The following ZNF426 variants were observed in gnomAD, a reference collection of about 807,000 sequenced individuals.
The protein encoded by ZNF426 is zinc finger protein 426, also known as CTC-543D15.7.
Under a neutral mutation model 24.0 loss-of-function variants are expected in ZNF426, and 23 were observed. That is an observed-to-expected ratio of 0.96 (90% confidence interval 0.69 to 1.36). The LOEUF (loss-of-function observed/expected upper bound fraction) is 1.36, where lower values mean the gene tolerates loss of function less well. Ranked by LOEUF, ZNF426 falls within the 40% of genes most tolerant of loss-of-function variation. The probability of loss-of-function intolerance (pLI) is 0.00; values close to 1 mark genes in which losing one functional copy is unlikely to be tolerated. For synonymous variants in ZNF426, 272 were observed against 224.6 expected (o/e 1.21, Z -1.89); for missense variants, 646 against 658.4 (o/e 0.98, Z 0.21).
intron 5 of ZNF426, among the ~76,000 whole-genome samples, chr19:9,533,212 G>A (rs1017241234): frequency 5.9e-5 from 9 of 151,966 alleles, no homozygotes; most frequent in Non-Finnish European, 1.0e-4. Context: ...TTGGGAGGCT[G>A]AGGCAGGTGG....
rs369529358 is a variant in ZNF426 at position 9,534,783 on chromosome 19, C to T, written c.117+405G>A. ...CTAATTTTTAAATTTTTTGTAGAGACGGGGTCTCACTATGTTGCTCAGGCT... is the reference window on the plus strand; with the variant it reads ...CTAATTTTTAAATTTTTTGTAGAGATGGGGTCTCACTATGTTGCTCAGGCT... On this transcript the variant is annotated intron_variant, in intron 4 of 7. Coordinates refer to ENST00000253115, the MANE Select transcript of ZNF426 (RefSeq NM_024106.3). Among the ~76,000 whole-genome samples, 235 of 151,912 alleles carry T rather than the reference C, an allele frequency of 1.5e-3. 3 individuals carry two copies. Among genetic ancestry groups the T allele is most frequent in the South Asian group, 0.015 (71 of 4,798 alleles).
Position 9,530,267 on chromosome 19 carries a change from A to T in ZNF426, c.409-631T>A, listed in dbSNP as rs140679530. ...CAGGAATTAGAGACCAGCCTGGGCA[A>T]CATGGCAAAACTCCATCTCTATAAA... is the stretch of plus-strand genomic sequence containing the variant. On this transcript the variant is annotated intron_variant, in intron 7 of 7. Coordinates refer to ENST00000253115, the MANE Select transcript of ZNF426 (RefSeq NM_024106.3). 7.2e-4 allele frequency among the ~76,000 whole-genome samples: 109 copies of T among 152,178 alleles called. 1 individual carries two copies. Among genetic ancestry groups the T allele is most frequent in the Middle Eastern group, 3.4e-3 (1 of 292 alleles).
chr19:9,529,576 C>T lies in ZNF426; in HGVS notation c.469G>A (p.Glu157Lys). 1 of 1,608,182 alleles carries T rather than the reference C, an allele frequency of 6.2e-7. No homozygotes were observed. ...DCEQCGEVFS[E>K]HSCLKTHVRT... ...ACGTGCGTCTTAAGGCATGAGTGTT[C>T]ACTGAAGACTTCTCCACATTGCTCA... The change falls in exon 8 of 8, where the codon GAA (glutamate) becomes AAA (lysine). Residue 157 changes from glutamate (E) to lysine (K), a missense_variant. Glu to Lys is a moderately conservative substitution (Grantham distance 56, BLOSUM62 1). Coordinates refer to ENST00000253115, the MANE Select transcript of ZNF426 (RefSeq NM_024106.3).
Position 9,535,278 on chromosome 19 carries a change from T to C in ZNF426, c.27A>G (p.Gly9=), listed in dbSNP as rs1288842802. MAAADLSH[G]HYLSGDPVCL... ...AAACTGGGTCCCCAGAAAGATAATGTCCTGTAAGAAAATGAAGGCAAGAGA... is the reference window on the plus strand; with the variant it reads ...AAACTGGGTCCCCAGAAAGATAATGCCCTGTAAGAAAATGAAGGCAAGAGA... Residue 9 remains glycine (G), a splice_region_variant and synonymous_variant, in exon 4 of 8, where the codon GGA becomes GGG. Coordinates refer to ENST00000253115, the MANE Select transcript of ZNF426 (RefSeq NM_024106.3). 3.1e-6 allele frequency: 5 copies of C among 1,612,200 alleles called. No individual in the cohort carries two copies. The highest frequency in any genetic ancestry group is 4.2e-6 in the Non-Finnish European group (5 of 1,178,738).
rs2073793320 is a variant in ZNF426, at chr19:9,526,513, A to C, written c.*1867T>G. The C allele has an allele frequency of 6.6e-6, 1 of 152,174 alleles. No individual in the cohort carries two copies. Among genetic ancestry groups the C allele is most frequent in the African/African-American group, 2.4e-5 (1 of 41,442 alleles). 9.4% of individuals were successfully genotyped at this position (152,174 alleles called of 1,614,324 possible). A position where few individuals can be genotyped will look rare whatever the true frequency, so the allele number is the denominator to read the frequency against. On this transcript the variant is annotated 3_prime_UTR_variant, in exon 8 of 8. Transcript: ENST00000253115. ...TCTTTGGTAGGCTTATTATTGGCCA[A>C]GAAACAGCCAACTAAAGAGCTTGAG...
In ZNF426 at chr19:9,528,407, T is replaced by C. The variant is rs2073823280; in HGVS notation, c.1638A>G (p.Ser546=). 1 of 1,586,246 alleles carries C rather than the reference T, an allele frequency of 6.3e-7. No homozygotes were observed. The highest frequency in any genetic ancestry group is 8.6e-7 in the Non-Finnish European group (1 of 1,168,468). ...AGTGAATTTGTTCATGTCTTCGAAG[T>C]GAACGGGGATGACTGTAAGCTTTCC... ...QCGKAYSHPR[S]LRRHEQIH The change falls in exon 8 of 8, where the codon TCA becomes TCG. Residue 546 remains serine, a synonymous_variant. Coordinates refer to ENST00000253115, the MANE Select transcript of ZNF426 (RefSeq NM_024106.3).
rs1251844067 is a variant in ZNF426 at position 9,526,518 on chromosome 19, C to A, written c.*1862G>T. ...GGTAGGCTTATTATTGGCCAAGAAA[C>A]AGCCAACTAAAGAGCTTGAGAATAT... On this transcript the variant is annotated 3_prime_UTR_variant, in exon 8 of 8. Coordinates refer to ENST00000253115, the MANE Select transcript of ZNF426 (RefSeq NM_024106.3). 1 of 151,898 alleles carries A rather than the reference C, an allele frequency of 6.6e-6. No individual in the cohort carries two copies. The highest frequency in any genetic ancestry group is 1.5e-5 in the Non-Finnish European group (1 of 67,984). The allele number at this position is 151,898 out of a possible 1,614,324, so 9.4% of individuals were successfully genotyped here.
At chr19:9,530,221 G>A (rs1475137556) in intron 7 of ZNF426, among the ~76,000 whole-genome samples, 1 of 152,136 alleles carries the variant, frequency 6.6e-6, no homozygotes, top group Non-Finnish European at 1.5e-5. Flanking sequence ...GGGAGGCAAA[G>A]GTGGGTGGAT....
intron 3 of ZNF426, among the ~76,000 whole-genome samples, 193 bp from the exon 4 acceptor site, chr19:9,535,472 T>G (rs1221479206): frequency 1.3e-5 from 2 of 152,050 alleles, no homozygotes; most frequent in Admixed American, 1.3e-4. Context: ...AGGATTACTT[T>G]AGGCGAGAAG....
At position 9,538,574 on chromosome 19, in the gene ZNF426, C is replaced by T. The variant is rs1311161189; in HGVS notation, c.-212+1G>A. 6.6e-6 allele frequency: 1 copy of T among 152,306 alleles called. No homozygotes were observed. The highest frequency in any genetic ancestry group is 1.5e-5 in the Non-Finnish European group (1 of 68,146). The allele number at this position is 152,306 out of a possible 1,614,324, so 9.4% of individuals were successfully genotyped here. On this transcript the variant is annotated splice_donor_variant, in intron 1 of 7. Coordinates refer to ENST00000253115, the MANE Select transcript of ZNF426 (RefSeq NM_024106.3). LOFTEE classifies it low-confidence loss of function (5UTR_SPLICE). ...AACCAGTTCATCTCCTCGGAACTCA[C>T]CCAGGCCAGTGAGGCCTTAACTCTG...
chr19:9,526,862 G>A lies in ZNF426; in HGVS notation c.*1518C>T, dbSNP rs1222380847. 6.6e-6 allele frequency: 1 copy of A among 152,040 alleles called. No individual in the cohort carries two copies. 9.4% of individuals were successfully genotyped at this position (152,040 alleles called of 1,614,324 possible). The stretch of plus-strand genomic sequence containing the variant: ...GGGGGGAAATGCTTTAAGTATTGAG[G>A]ATCAAGTATAAGAATTACATCCAAC... On this transcript the variant is annotated 3_prime_UTR_variant, in exon 8 of 8. Coordinates refer to ENST00000253115, the MANE Select transcript of ZNF426 (RefSeq NM_024106.3).
At chr19:9,535,482 G>T (rs377200316) in intron 3 of ZNF426, among the ~76,000 whole-genome samples, 1 of 152,096 alleles carries the variant, frequency 6.6e-6, no homozygotes, top group South Asian at 2.1e-4. Flanking sequence ...TAGGCGAGAA[G>T]TTTGAGATCA....
At position 9,525,117 on chromosome 19, in the gene ZNF426, CG is replaced by C. The variant is rs2073778964; in HGVS notation, c.*3262del. 6.6e-6 allele frequency: 1 copy of C among 150,982 alleles called. No individual in the cohort carries two copies. The highest frequency in any genetic ancestry group is 2.4e-5 in the African/African-American group (1 of 41,110). 9.4% of individuals were successfully genotyped at this position (150,982 alleles called of 1,614,324 possible). A position where few individuals can be genotyped will look rare whatever the true frequency, so the allele number is the denominator to read the frequency against. ...ACAAAAAATTAGCCGGGCGTGGTAG[CG>C]GGCGCCTGTAGTCCCAGCTACTCGG... On this transcript the variant is annotated 3_prime_UTR_variant, in exon 8 of 8. Transcript: ENST00000253115.
At chr19:9,531,687 T>C (rs1474002659) in intron 6 of ZNF426, among the ~76,000 whole-genome samples, 8 of 151,958 alleles carry the variant, frequency 5.3e-5, no homozygotes, top group Admixed American at 5.2e-4. Context: ...AGAGCGTATA[T>C]CTAAACAATT....
At position 9,527,829 on chromosome 19, in the gene ZNF426, T is replaced by G. The variant is rs561387818; in HGVS notation, c.*551A>C. The G allele has an allele frequency of 6.6e-6, 1 of 152,266 alleles. No homozygotes were observed. The highest frequency in any genetic ancestry group is 2.4e-5 in the African/African-American group (1 of 41,436). 9.4% of individuals were successfully genotyped at this position (152,266 alleles called of 1,614,324 possible). On this transcript the variant is annotated 3_prime_UTR_variant, in exon 8 of 8. Coordinates refer to ENST00000253115, the MANE Select transcript of ZNF426 (RefSeq NM_024106.3). The stretch of plus-strand genomic sequence containing the variant: ...GGTTGGTGGCTTTGATAGAAGGATC[T>G]GTCCCAGTGCTCTGTCTTTGGCTTG...
At position 9,530,770 on chromosome 19, in the gene ZNF426, C is replaced by T. The variant is rs150260338; in HGVS notation, c.408+215G>A. Among the ~76,000 whole-genome samples, 170 of 152,028 alleles carry T rather than the reference C, an allele frequency of 1.1e-3. 1 individual carries two copies. Among genetic ancestry groups the T allele is most frequent in the African/African-American group, 3.9e-3 (163 of 41,492 alleles). On this transcript the variant is annotated intron_variant, in intron 7 of 7. Coordinates refer to ENST00000253115, the MANE Select transcript of ZNF426 (RefSeq NM_024106.3). ...AGAGCAGTATCTCGTTTCAAAAAAA[C>T]ACCAAAACAAAACTCAACGTCTAGT...
At chr19:9,537,807 C>T (rs113135456) in intron 2 of ZNF426, among the ~76,000 whole-genome samples, 2 of 152,098 alleles carry the variant, frequency 1.3e-5, no homozygotes, top group East Asian at 1.9e-4. Flanking sequence ...CCCACCACCA[C>T]GCTCGGCTAA....
At position 9,533,828 on chromosome 19, in the gene ZNF426, G is replaced by C; in HGVS notation, c.244+12C>G. ...TTCCATAGAAGGCTGCAAGGGATGA[G>C]GCCAGTCTTACCTACTGTGGCCAGG... is the stretch of plus-strand genomic sequence containing the variant. On this transcript the variant is annotated intron_variant, in intron 5 of 7. Transcript: ENST00000253115. 1 of 1,613,932 alleles carries C rather than the reference G, an allele frequency of 6.2e-7. No homozygotes were observed. Among genetic ancestry groups the C allele is most frequent in the East Asian group, 2.2e-5 (1 of 44,860 alleles).
intron 7 of ZNF426, among the ~76,000 whole-genome samples, chr19:9,529,994 G>A (rs1219217682): frequency 6.6e-6 from 1 of 152,004 alleles, no homozygotes; most frequent in East Asian, 1.9e-4. Flanking sequence ...GGTGGCACAT[G>A]CCTGTAATCC....
Sources: allele counts gnomAD v4.1 joint callset (sites outside exome capture counted in the v4.1 genomes callset), GRCh38; gene constraint gnomAD v4.1.1; transcripts MANE v1.5; gene names NCBI Gene and HGNC (gene_info 2026-07-23, HGNC 2026-07-21).